The following NLGN4Y variants were observed in gnomAD, a reference collection of about 807,000 sequenced individuals.
The protein encoded by NLGN4Y is neuroligin-4, Y-linked.
In NLGN4Y, 4 loss-of-function variants were observed where a neutral mutation model predicts 8.4. That is an observed-to-expected ratio of 0.48 (90% CI 0.23 to 1.09). The LOEUF (loss-of-function observed/expected upper bound fraction) is 1.09, where lower values mean the gene tolerates loss of function less well. Among genes scored for constraint, NLGN4Y ranks in the 50% least tolerant of loss-of-function variants. The probability of loss-of-function intolerance (pLI) is 0.19; values close to 1 mark genes in which losing one functional copy is unlikely to be tolerated. For synonymous variants in NLGN4Y, 35 were observed against 75.6 expected, an observed-to-expected ratio of 0.46 and a Z score of 2.78; for missense variants, 90 against 192.3, an observed-to-expected ratio of 0.47 and a Z score of 3.15.
At chrY:14,569,716 A>C (rs999558799) in intron 1 of NLGN4Y, among the ~76,000 whole-genome samples, 15 of 33,418 alleles carry the variant, frequency 4.5e-4, no homozygotes, top group African/African-American at 1.6e-3. Flanking sequence ...AGTAGCGTAA[A>C]TATTTTACGT....
intron 1 of NLGN4Y, among the ~76,000 whole-genome samples, chrY:14,545,573 T>C: frequency 5.9e-5 from 2 of 33,888 alleles, no homozygotes; most frequent in Non-Finnish European, 1.5e-4. Flanking sequence ...GCTGCATAAA[T>C]GTCTTCTTTT....
chrY:14,590,266 T>A, intron 1 of NLGN4Y, among the ~76,000 whole-genome samples: 1 of 33,986 alleles, frequency 2.9e-5, no homozygotes, highest in Non-Finnish European at 7.4e-5. Context: ...GCCCCTCAAA[T>A]GCCACCAAAG....
At chrY:14,681,688 T>C (rs2080771011) in intron 2 of NLGN4Y, among the ~76,000 whole-genome samples, 1 of 34,044 alleles carries the variant, frequency 2.9e-5, no homozygotes, top group Non-Finnish European at 7.3e-5. Context: ...ATCAGCAGAT[T>C]ACATGCTGTA....
intron 1 of NLGN4Y, among the ~76,000 whole-genome samples, chrY:14,615,276 G>T (rs2080484465): frequency 3.0e-5 from 1 of 33,456 alleles, no homozygotes. Context: ...TTTGTATCCT[G>T]AGACTTTGCT....
intron 2 of NLGN4Y, among the ~76,000 whole-genome samples, chrY:14,681,432 C>A: frequency 3.1e-5 from 1 of 32,635 alleles, no homozygotes; most frequent in African/African-American, 1.2e-4. Flanking sequence ...AAACACCCCC[C>A]ACAGGGACCC....
At chrY:14,826,333 CTTTTCTTTT>C (rs2043145474) in intron 5 of NLGN4Y, among the ~76,000 whole-genome samples, 2 of 25,185 alleles carry the variant, frequency 7.9e-5, no homozygotes, top group South Asian at 1.8e-3. Context: ...ATTTTTCTTT[CTTTTCTTTT>C]TTTTTTTTTT....
At position 14,697,359 on chromosome Y, in the gene NLGN4Y, T is replaced by C. The variant is rs777957126; in HGVS notation, c.473-22100T>C. Among the ~76,000 whole-genome samples the C allele has an allele frequency of 1.6e-4, 5 of 31,769 alleles. No individual in the cohort carries two copies. The South Asian group carries it at 3.5e-3, about 22-fold the overall frequency. 85.2% of individuals were successfully genotyped at this position (31,769 alleles called of 37,273 possible). ...ATAGATAGAAAGATAGATAGATAGA[T>C]AGATAGATGATAGAGATGGATAGAT... On this transcript the variant is annotated intron_variant, in intron 2 of 6. Transcript: ENST00000684976.
At chrY:14,576,643 G>A (rs767832354) in intron 1 of NLGN4Y, among the ~76,000 whole-genome samples, 61 of 33,602 alleles carry the variant, frequency 1.8e-3, no homozygotes, top group Non-Finnish European at 4.1e-3. Flanking sequence ...TGGAAATGCA[G>A]TAATCACCCA....
intron 2 of NLGN4Y, among the ~76,000 whole-genome samples, chrY:14,657,787 C>A (rs2080659681): frequency 3.0e-5 from 1 of 33,332 alleles, no homozygotes; most frequent in East Asian, 8.0e-4. Context: ...CTATTCTGAG[C>A]CACTCATTTA....
chrY:14,841,112 G>A lies in NLGN4Y; in HGVS notation c.2361G>A (p.Ser787=), dbSNP rs1259296355. The A allele has an allele frequency of 5.0e-6, 2 of 398,671 alleles. No individual in the cohort carries two copies. Among genetic ancestry groups the A allele is most frequent in the Middle Eastern group, 1.2e-3 (2 of 1,705 alleles). The change falls in exon 7 of 7, where the codon TCG becomes TCA. Residue 787 remains serine (S), a synonymous_variant. Coordinates refer to ENST00000684976, the MANE Select transcript of NLGN4Y (RefSeq NM_001365588.1). Reference sequence around the variant, plus strand: ...ACTACACCCTCACGCTGCGCCGGTCGCCGGATGACATCCCATTTATGACGC... The same window carrying A: ...ACTACACCCTCACGCTGCGCCGGTCACCGGATGACATCCCATTTATGACGC... ...PPDYTLTLRR[S]PDDIPFMTPN...
chrY:14,562,688 C>T (rs2080234997), intron 1 of NLGN4Y, among the ~76,000 whole-genome samples: 5 of 33,577 alleles, frequency 1.5e-4, no homozygotes, highest in Non-Finnish European at 3.7e-4. Context: ...GCATGGAATG[C>T]TTTTCCATTT....
chrY:14,576,394 G>A (rs1052738671), intron 1 of NLGN4Y, among the ~76,000 whole-genome samples: 2 of 33,550 alleles, frequency 6.0e-5, no homozygotes, highest in Non-Finnish European at 1.5e-4. Flanking sequence ...CGAGCCAGGC[G>A]CAGGATATAA....
chrY:14,591,141 G>A (rs774205925), intron 1 of NLGN4Y, among the ~76,000 whole-genome samples: 1 of 32,896 alleles, frequency 3.0e-5, no homozygotes, highest in African/African-American at 1.2e-4. Context: ...GTTAATGTTA[G>A]GACTTAGAAA....
chrY:14,531,246 A>T, intron 1 of NLGN4Y, among the ~76,000 whole-genome samples: 1 of 33,047 alleles, frequency 3.0e-5, no homozygotes, highest in Non-Finnish European at 7.4e-5. Flanking sequence ...ATCTATATCT[A>T]TATCTATATA....
intron 2 of NLGN4Y, among the ~76,000 whole-genome samples, chrY:14,701,818 G>A (rs948432720): frequency 3.1e-5 from 1 of 32,313 alleles, no homozygotes; most frequent in Non-Finnish European, 7.6e-5. Context: ...TTCCATCTGC[G>A]AACTCATAAC....
rs372604457 is a variant in NLGN4Y at position 14,656,955 on chromosome Y, C to T, written c.472+34364C>T. ...AGGTTTTCTTGATAAATACCAGCGT[C>T]ACTGCTTTCTATGTTTATATTTTTC... On this transcript the variant is annotated intron_variant, in intron 2 of 6. Transcript: ENST00000684976. Among the ~76,000 whole-genome samples the T allele has an allele frequency of 4.6e-3, 149 of 32,514 alleles. No homozygotes were observed. The East Asian group carries it at 0.067, about 15-fold the overall frequency. The allele number at this position is 32,514 out of a possible 37,273, so 87.2% of individuals were successfully genotyped here. A position where few individuals can be genotyped will look rare whatever the true frequency, so the allele number is the denominator to read the frequency against.
In NLGN4Y at chrY:14,678,923, G is replaced by A. The variant is rs201416380; in HGVS notation, c.473-40536G>A. On this transcript the variant is annotated intron_variant, in intron 2 of 6. Coordinates refer to ENST00000684976, the MANE Select transcript of NLGN4Y (RefSeq NM_001365588.1). ...TTTGGGAAGCTGGGGTGGGAGAATC[G>A]CTTGAGAACAGGAGGAGTTCATGAC... is the stretch of plus-strand genomic sequence containing the variant. Among the ~76,000 whole-genome samples the A allele has an allele frequency of 1.7e-3, 56 of 32,500 alleles. No individual in the cohort carries two copies. In the East Asian group the frequency reaches 0.045, roughly 26 times the overall value. 87.2% of individuals were successfully genotyped at this position (32,500 alleles called of 37,273 possible).
chrY:14,573,802 G>T (rs2080285239), intron 1 of NLGN4Y, among the ~76,000 whole-genome samples: 1 of 33,366 alleles, frequency 3.0e-5, no homozygotes, highest in East Asian at 7.9e-4. Flanking sequence ...TAGTGTCTTT[G>T]TTCTCATTGG....
intron 4 of NLGN4Y, among the ~76,000 whole-genome samples, chrY:14,773,621 A>T (rs2081115343): frequency 3.0e-5 from 1 of 33,132 alleles, no homozygotes; most frequent in South Asian, 6.7e-4. Flanking sequence ...ATACAATCCT[A>T]AGCAGAAAAA....
Sources: allele counts gnomAD v4.1 joint callset (sites outside exome capture counted in the v4.1 genomes callset), GRCh38; gene constraint gnomAD v4.1.1; transcripts MANE v1.5; gene names NCBI Gene and HGNC (gene_info 2026-07-23, HGNC 2026-07-21).